The following MAP2K1 variants were observed in gnomAD, a reference collection of about 807,000 sequenced individuals.
MAP2K1 encodes the protein dual specificity mitogen-activated protein kinase kinase 1.
In MAP2K1, 16 loss-of-function variants were observed where a neutral mutation model predicts 46.3. The ratio of observed to expected loss-of-function variants is 0.35; its 90% CI spans 0.23 to 0.52. MAP2K1 has a LOEUF of 0.52. MAP2K1 is among the 20% of genes least tolerant of loss of function. MAP2K1 has a pLI of 0.94. For missense variants in MAP2K1, 263 were observed against 497.1 expected (o/e 0.53, Z 4.48); for synonymous variants, 183 against 185.6 (o/e 0.99, Z 0.11).
chr15:66,469,719 C>CACACACAT (rs968491730), intron 5 of MAP2K1, among the ~76,000 whole-genome samples: 2 of 144,866 alleles, frequency 1.4e-5, no homozygotes, highest in African/African-American at 5.0e-5. Flanking sequence ...CACACACACA[C>CACACACAT]ACACATATCG....
At chr15:66,443,489 A>G in intron 4 of MAP2K1, 132 bp downstream of exon 4, 1 of 687,648 alleles carries the variant, frequency 1.5e-6, no homozygotes, top group Non-Finnish European at 2.7e-6. Context: ...TTTTCTCACT[A>G]GACTCTTCCC....
intron 5 of MAP2K1, among the ~76,000 whole-genome samples, chr15:66,455,104 A>G (rs1306315246): frequency 6.6e-6 from 1 of 152,258 alleles, no homozygotes; most frequent in Admixed American, 6.5e-5. Flanking sequence ...GCATGGGCTC[A>G]GTGATCTCCC....
At chr15:66,433,494 GGGAAAATCAGTGA>G (rs936858366) in intron 1 of MAP2K1, among the ~76,000 whole-genome samples, 51 of 152,142 alleles carry the variant, frequency 3.4e-4, no homozygotes, top group African/African-American at 1.2e-3. Flanking sequence ...GTGGGGTGGG[GGGAAAATCAGTGA>G]GGAAAATCAG....
rs1328363333 is a variant in MAP2K1, at chr15:66,395,024, T to C, written c.80+7597T>C. On this transcript the variant is annotated intron_variant, in intron 1 of 10. Transcript: ENST00000307102. The stretch of plus-strand genomic sequence containing the variant: ...TGTTTGAATATAAACACTCACAGAA[T>C]TCCAGTTTCACTTATTTATGCACCT... 3.9e-5 allele frequency among the ~76,000 whole-genome samples: 6 copies of C among 152,176 alleles called. No individual in the cohort carries two copies. In the South Asian group the frequency reaches 1.2e-3, roughly 32 times the overall value.
chr15:66,449,848 TC>T (rs1485150032), intron 5 of MAP2K1, among the ~76,000 whole-genome samples: 1 of 152,088 alleles, frequency 6.6e-6, no homozygotes, highest in Non-Finnish European at 1.5e-5. Context: ...GCCATTGCAC[TC>T]CAGCCTGGAC....
intron 5 of MAP2K1, among the ~76,000 whole-genome samples, chr15:66,445,893 A>C (rs2140604934): frequency 6.6e-6 from 1 of 151,848 alleles, no homozygotes; most frequent in South Asian, 2.1e-4. Context: ...TCAAGAGCAC[A>C]CATCCACTTC....
intron 1 of MAP2K1, among the ~76,000 whole-genome samples, chr15:66,420,721 A>ATATATATATATATATATATATATATG (rs1461381065): frequency 6.7e-5 from 2 of 29,684 alleles, no homozygotes; most frequent in African/African-American, 2.4e-4. Flanking sequence ...ATATATATAT[A>ATATATATATATATATATATATATATG]TGTGTGTGTG....
chr15:66,398,217 G>A (rs529662382), intron 1 of MAP2K1, among the ~76,000 whole-genome samples: 1 of 151,848 alleles, frequency 6.6e-6, no homozygotes, highest in African/African-American at 2.4e-5. Flanking sequence ...AAGAGCTAGA[G>A]ACCAGCCTGG....
chr15:66,490,028 C>G (rs889776551), intron 10 of MAP2K1: 158 of 582,508 alleles, frequency 2.7e-4, no homozygotes, highest in Non-Finnish European at 3.9e-4. Flanking sequence ...CAGCCCACCC[C>G]CTTCATGGGG....
intron 1 of MAP2K1, among the ~76,000 whole-genome samples, chr15:66,424,064 A>ATT (rs55863611): frequency 1.0e-3 from 152 of 147,736 alleles, no homozygotes; most frequent in South Asian, 1.9e-3. Context: ...TGTCTTGTGC[A>ATT]TTTTTTTTTT....
intron 1 of MAP2K1, among the ~76,000 whole-genome samples, chr15:66,397,713 A>AC (rs1229246160): frequency 1.3e-5 from 2 of 152,188 alleles, no homozygotes; most frequent in Non-Finnish European, 2.9e-5. Flanking sequence ...TATAGCAAAT[A>AC]CGGGGATAGA....
rs767965126 is a variant in MAP2K1, at chr15:66,485,067, G to A, written c.771G>A (p.Ala257=). 1.2e-5 allele frequency: 19 copies of A among 1,613,784 alleles called. No individual in the cohort carries two copies. The highest frequency in any genetic ancestry group is 2.2e-5 in the East Asian group (1 of 44,898). ...WSMGLSLVEM[A]VGRYPIPPPD... Reference sequence around the variant, plus strand: ...TGGGACTGTCTCTGGTAGAGATGGCGGTTGGGAGGTATCCCATCCCTCCTC... The same window carrying A: ...TGGGACTGTCTCTGGTAGAGATGGCAGTTGGGAGGTATCCCATCCCTCCTC... Residue 257 remains alanine, a synonymous_variant, in exon 7 of 11, where the codon GCG becomes GCA. Coordinates refer to ENST00000307102, the MANE Select transcript of MAP2K1 (RefSeq NM_002755.4).
intron 1 of MAP2K1, among the ~76,000 whole-genome samples, chr15:66,408,752 G>A (rs887569980): frequency 2.0e-5 from 3 of 152,008 alleles, no homozygotes; most frequent in South Asian, 2.1e-4. Flanking sequence ...GGGGATTCCC[G>A]TCTCCACCTC....
intron 1 of MAP2K1, among the ~76,000 whole-genome samples, chr15:66,410,576 T>G (rs1375420464): frequency 2.0e-5 from 3 of 152,222 alleles, no homozygotes; most frequent in Non-Finnish European, 4.4e-5. Context: ...TCCAGACTGC[T>G]GAAGGCTTAT....
chr15:66,454,394 A>T (rs1201418209), intron 5 of MAP2K1, among the ~76,000 whole-genome samples: 1 of 152,206 alleles, frequency 6.6e-6, no homozygotes, highest in Non-Finnish European at 1.5e-5. Context: ...AAACCTCAGG[A>T]AAATGGAGAA....
At chr15:66,438,729 A>C (rs2093495502) in intron 3 of MAP2K1, among the ~76,000 whole-genome samples, 1 of 152,058 alleles carries the variant, frequency 6.6e-6, no homozygotes, top group African/African-American at 2.4e-5. Context: ...TATCGTGGAG[A>C]GCATGAGACT....
At chr15:66,433,990 C>A (rs58869046) in intron 1 of MAP2K1, among the ~76,000 whole-genome samples, 2 of 152,242 alleles carry the variant, frequency 1.3e-5, no homozygotes, top group Non-Finnish European at 2.9e-5. Flanking sequence ...CATACCCACT[C>A]GCTTCAGCAC....
chr15:66,444,910 A>C (rs1891822125), intron 5 of MAP2K1: 4 of 574,416 alleles, frequency 7.0e-6, no homozygotes, highest in Non-Finnish European at 1.3e-5. Flanking sequence ...TATTGCCTAT[A>C]GCTGTGATGG....
At chr15:66,478,464 A>ATATATACAGG (rs1892829113) in intron 5 of MAP2K1, among the ~76,000 whole-genome samples, 1 of 147,042 alleles carries the variant, frequency 6.8e-6, no homozygotes, top group African/African-American at 2.5e-5. Flanking sequence ...ACAGGTATAT[A>ATATATACAGG]TATATATATA....
Sources: gnomAD v4.1 joint callset for allele counts (sites outside exome capture counted in the v4.1 genomes callset) on GRCh38, gnomAD v4.1.1 for gene constraint, MANE v1.5 for transcripts, NCBI Gene and HGNC (gene_info 2026-07-23, HGNC 2026-07-21) for gene names.